The following DEAF1 variants were observed in gnomAD, a reference collection of about 807,000 sequenced individuals.
The protein encoded by DEAF1 is DEAF1 transcription factor.
In DEAF1, 53 loss-of-function variants were observed where a neutral mutation model predicts 58.9. That is an observed-to-expected ratio of 0.90 (90% CI 0.72 to 1.13). The LOEUF (loss-of-function observed/expected upper bound fraction) is 1.13. Among genes scored for constraint, DEAF1 ranks in the 50% most tolerant of loss-of-function variants. DEAF1 has a pLI of 0.00. For missense variants in DEAF1, 685 were observed against 791.4 expected (o/e 0.87, Z 1.61); for synonymous variants, 385 against 340.4 (o/e 1.13, Z -1.44).
At position 704,326 on chromosome 11, in the gene DEAF1, G is replaced by C; in HGVS notation, c.-438+2246C>G. On this transcript the variant is annotated intron_variant, in intron 1 of 11. Coordinates refer to the DEAF1 transcript ENST00000683307. ...CTGGGCCTCCACTGGGGCTCCCTCG[G>C]CTGGGGTGGCTGTGGCTGTGGCACC... 3 of 788,282 alleles carry C rather than the reference G, an allele frequency of 3.8e-6. No homozygotes were observed. The South Asian group carries it at 4.8e-5, about 12-fold the overall frequency. 48.8% of individuals were successfully genotyped at this position (788,282 alleles called of 1,614,324 possible). A position where few individuals can be genotyped will look rare whatever the true frequency, so the allele number is the denominator to read the frequency against.
At chr11:655,726 G>T (rs1250762856) in intron 10 of DEAF1, among the ~76,000 whole-genome samples, 1 of 152,078 alleles carries the variant, frequency 6.6e-6, no homozygotes, top group African/African-American at 2.4e-5. Flanking sequence ...CCAGTTGTAA[G>T]ACATTCAGAG....
chr11:663,616 A>G lies in DEAF1; in HGVS notation c.1504-9565T>C, dbSNP rs148334666. Among the ~76,000 whole-genome samples, 139 of 151,750 alleles carry G rather than the reference A, an allele frequency of 9.2e-4. 2 individuals carry two copies. Among genetic ancestry groups the G allele is most frequent in the African/African-American group, 3.1e-3 (127 of 41,356 alleles). On this transcript the variant is annotated intron_variant, in intron 10 of 11. Coordinates refer to ENST00000382409, the MANE Select transcript of DEAF1 (RefSeq NM_021008.4). ...CGAAGCTTTTGGCCTTTCCTCCTCC[A>G]TCTCCTCAGCGACTGCCTCTGGACT...
chr11:686,971 C>G lies in DEAF1; in HGVS notation c.691G>C (p.Gly231Arg). ...SGGRGRCIKQ[G>R]ENWYSPTEFE... ...TCGGTGGGACTGTACCAGTTCTCCC[C>G]CTGCTTGATGCACCGTCCCCGGCCG... Residue 231 changes from glycine to arginine, a missense_variant, in exon 5 of 12, where the codon GGG becomes CGG. By Grantham distance (125) the Gly-to-Arg change is moderately radical. This residue lies in a region of DEAF1 where 132 missense variants were observed against 234.3 expected (regional missense o/e 0.56). Coordinates refer to ENST00000382409, the MANE Select transcript of DEAF1 (RefSeq NM_021008.4). 1 of 1,614,224 alleles carries G rather than the reference C, an allele frequency of 6.2e-7. No homozygotes were observed. Among genetic ancestry groups the G allele is most frequent in the South Asian group, 1.1e-5 (1 of 91,082 alleles).
chr11:674,569 C>G lies in DEAF1; in HGVS notation c.1470G>C (p.Gln490His), dbSNP rs897598221. The change falls in exon 10 of 12, where the codon CAG (glutamine) becomes CAC (histidine). Residue 490 changes from glutamine (Q) to histidine (H), a missense_variant. Physicochemically the swap from Gln to His is conservative, Grantham distance 24. Coordinates refer to ENST00000382409, the MANE Select transcript of DEAF1 (RefSeq NM_021008.4). ...ASTYREAATNQAKIHADAERK... is the reference protein window; with the variant it reads ...ASTYREAATNHAKIHADAERK... ...GCTCTGCGTCAGCGTGGATCTTGGC[C>G]TGGTTTGTGGCAGCTTCTCGGTAGG... 1.8e-5 allele frequency: 29 copies of G among 1,613,948 alleles called. No individual in the cohort carries two copies. The highest frequency in any genetic ancestry group is 3.3e-5 in the Admixed American group (2 of 59,986).
chr11:699,834 T>C, upstream of DEAF1: 1 of 323,962 alleles, frequency 3.1e-6, no homozygotes, highest in Non-Finnish European at 5.7e-6. Context: ...TCACTGGGGA[T>C]GCCAGTGTGT....
At chr11:668,994 GT>G (rs1372772061) in intron 10 of DEAF1, among the ~76,000 whole-genome samples, 12 of 151,812 alleles carry the variant, frequency 7.9e-5, no homozygotes, top group African/African-American at 2.7e-4. Context: ...CCTGGCTAAT[GT>G]TTTGTATTTT....
chr11:655,707 A>T (rs187394224), intron 10 of DEAF1, among the ~76,000 whole-genome samples: 1 of 152,204 alleles, frequency 6.6e-6, no homozygotes, highest in East Asian at 1.9e-4. Context: ...CGTGATCTTT[A>T]ACATTTTTCC....
At chr11:652,248 C>T (rs927474815) in intron 11 of DEAF1, among the ~76,000 whole-genome samples, 2 of 152,172 alleles carry the variant, frequency 1.3e-5, no homozygotes, top group Non-Finnish European at 2.9e-5. Context: ...TAGATCTACT[C>T]CTGAATCCAG....
chr11:686,967 T>TC lies in DEAF1; in HGVS notation c.694dup (p.Glu232GlyfsTer10). ...AAACTCGGTGGGACTGTACCAGTTC[T>TC]CCCCCTGCTTGATGCACCGTCCCCG... is the stretch of plus-strand genomic sequence containing the variant. On this transcript the variant is annotated frameshift_variant, in exon 5 of 12. Transcript: ENST00000382409. LOFTEE classifies it high-confidence loss of function. 6.2e-7 allele frequency: 1 copy of TC among 1,614,070 alleles called. No individual in the cohort carries two copies. Among genetic ancestry groups the TC allele is most frequent in the Non-Finnish European group, 8.5e-7 (1 of 1,180,018 alleles).
intron 9 of DEAF1, among the ~76,000 whole-genome samples, chr11:676,652 C>G (rs7129329): frequency 6.6e-6 from 1 of 151,952 alleles, no homozygotes; most frequent in African/African-American, 2.4e-5. Context: ...TTACAGGCAT[C>G]TGCCACCAGG....
At chr11:645,240 C>T (rs1168633167) in intron 11 of DEAF1, among the ~76,000 whole-genome samples, 1 of 149,754 alleles carries the variant, frequency 6.7e-6, no homozygotes, top group East Asian at 2.0e-4. Flanking sequence ...GGGATGTAAA[C>T]AAAAAATATC....
chr11:693,562 C>T (rs1235354364), intron 1 of DEAF1: 2 of 152,392 alleles, frequency 1.3e-5, no homozygotes, highest in African/African-American at 2.4e-5. Flanking sequence ...CACAACGCAA[C>T]AAGAAGCTCC....
At chr11:706,418 G>A (rs1792507214) in intron 1 of DEAF1, 1 of 152,712 alleles carries the variant, frequency 6.5e-6, no homozygotes, top group Non-Finnish European at 1.5e-5. Context: ...CACTTGGAGG[G>A]CGGCCGGGCC....
At chr11:703,215 T>C (rs1861581731) in intron 1 of DEAF1, 1 of 1,512,578 alleles carries the variant, frequency 6.6e-7, no homozygotes, top group Non-Finnish European at 8.9e-7. Context: ...CCCCCAGCTG[T>C]CACCTCCCCA....
rs566928281 is a variant in DEAF1, at chr11:663,592, G to A, written c.1504-9541C>T. ...CAGCAACTGCCTGTGGAATGAATAC[G>A]AAGCTTTTGGCCTTTCCTCCTCCAT... On this transcript the variant is annotated intron_variant, in intron 10 of 11. Transcript: ENST00000382409. Among the ~76,000 whole-genome samples, 3 of 150,510 alleles carry A rather than the reference G, an allele frequency of 2.0e-5. No individual in the cohort carries two copies. In the East Asian group the frequency reaches 5.9e-4, roughly 29 times the overall value.
At chr11:687,568 C>CA (rs1442616305) in intron 4 of DEAF1, among the ~76,000 whole-genome samples, 4 of 152,350 alleles carry the variant, frequency 2.6e-5, no homozygotes, top group East Asian at 1.9e-4. Context: ...CAGCTCACTG[C>CA]AAGCTCTGCC....
chr11:674,727 G>C lies in DEAF1; in HGVS notation c.1312C>G (p.Pro438Ala). The C allele has an allele frequency of 6.2e-7, 1 of 1,613,846 alleles. No individual in the cohort carries two copies. Among genetic ancestry groups the C allele is most frequent in the South Asian group, 1.1e-5 (1 of 91,084 alleles). ...TCCAGCCCATTGACCAACGCGGGAG[G>C]TGCCGCTTTGGTGGGAGTCGGGGGT... ...VPPPTPTKAA[P>A]PALVNGLELS... is the part of the protein sequence containing the mutation. The change falls in exon 10 of 12, where the codon CCT becomes GCT. Residue 438 changes from proline to alanine, a missense_variant. Around this residue, in one of 3 missense-constraint regions of DEAF1, gnomAD observed 343 missense variants for 379.8 expected, o/e 0.90. Transcript: ENST00000382409.
chr11:671,179 C>T (rs373822496), intron 10 of DEAF1, among the ~76,000 whole-genome samples: 4 of 151,528 alleles, frequency 2.6e-5, no homozygotes, highest in Non-Finnish European at 5.9e-5. Flanking sequence ...CCGCCCGCCT[C>T]GGCCTCCCAA....
chr11:650,146 G>A (rs1000395029), intron 11 of DEAF1, among the ~76,000 whole-genome samples: 17 of 152,002 alleles, frequency 1.1e-4, no homozygotes, highest in East Asian at 3.9e-4. Context: ...AGGCTGAGGC[G>A]GGTGAATCTC....
Sources: allele counts gnomAD v4.1 joint callset (sites outside exome capture counted in the v4.1 genomes callset), GRCh38; gene constraint gnomAD v4.1.1; regional missense constraint gnomAD v4.1.1; transcripts MANE v1.5; gene names NCBI Gene and HGNC (gene_info 2026-07-23, HGNC 2026-07-21).